The following TESK2 variants were observed in gnomAD, a reference collection of about 807,000 sequenced individuals.
The protein encoded by TESK2 is testis associated actin remodelling kinase 2, also known as dual specificity testis-specific protein kinase 2.
TESK2 carries 39 observed loss-of-function variants against 57.1 expected under a neutral mutation model. The observed-to-expected ratio is 0.68, with a 90% confidence interval of 0.53 to 0.89. The LOEUF is 0.89. TESK2 is among the 40% of genes least tolerant of loss of function. TESK2 has a pLI of 0.00. For synonymous variants in TESK2, 249 were observed against 267.9 expected (o/e 0.93, Z 0.69); for missense variants, 646 against 732.1 (o/e 0.88, Z 1.36).
chr1:45,397,626 G>A (rs1007010055), intron 3 of TESK2, among the ~76,000 whole-genome samples: 2 of 151,576 alleles, frequency 1.3e-5, no homozygotes, highest in Admixed American at 6.6e-5. Flanking sequence ...TTTCCAACCC[G>A]GACCCAGAGC....
chr1:45,367,593 C>A (rs909368226), intron 4 of TESK2, among the ~76,000 whole-genome samples: 2 of 151,946 alleles, frequency 1.3e-5, no homozygotes, highest in Admixed American at 6.6e-5. Context: ...AGGTGATCCA[C>A]CTGCCTCGGC....
intron 2 of TESK2, among the ~76,000 whole-genome samples, chr1:45,453,485 C>G (rs1363349592): frequency 6.6e-6 from 1 of 151,914 alleles, no homozygotes. Context: ...AATTTGGTAT[C>G]CTCAAGCAAA....
chr1:45,396,026 G>A (rs1649341082), intron 3 of TESK2, among the ~76,000 whole-genome samples: 1 of 152,104 alleles, frequency 6.6e-6, no homozygotes, highest in Non-Finnish European at 1.5e-5. Context: ...CTACGCTGGA[G>A]AGCAGTGGCA....
intron 1 of TESK2, among the ~76,000 whole-genome samples, chr1:45,466,081 G>A (rs1422524327): frequency 2.6e-5 from 4 of 152,168 alleles, no homozygotes; most frequent in East Asian, 1.9e-4. Context: ...GGTGCCTTAC[G>A]TCTATAATCC....
At chr1:45,459,713 C>CA (rs924553851) in intron 1 of TESK2, among the ~76,000 whole-genome samples, 4 of 152,114 alleles carry the variant, frequency 2.6e-5, no homozygotes, top group African/African-American at 9.7e-5. Flanking sequence ...CATGATGGTA[C>CA]ACGCCTGTAG....
intron 2 of TESK2, among the ~76,000 whole-genome samples, chr1:45,428,701 G>A (rs138914656): frequency 0.011 from 1,631 of 151,074 alleles, 17 homozygotes; most frequent in African/African-American, 0.032. Context: ...ACAGGGTTTC[G>A]CCATGTTGTC....
Position 45,442,037 on chromosome 1 carries a change from A to T in TESK2, c.222+15527T>A, listed in dbSNP as rs533890763. 5.3e-5 allele frequency among the ~76,000 whole-genome samples: 8 copies of T among 152,224 alleles called. 1 individual carries two copies. The highest frequency in any genetic ancestry group is 5.2e-4 in the Admixed American group (8 of 15,270). On this transcript the variant is annotated intron_variant, in intron 2 of 10. Transcript: ENST00000372086. ...CCGCAACCTCCACCTCCCAGGTTCA[A>T]ATGATTCTCCTGCCCCACCCTCCCG...
At chr1:45,403,371 G>A (rs1570694794) in intron 3 of TESK2, among the ~76,000 whole-genome samples, 1 of 152,154 alleles carries the variant, frequency 6.6e-6, no homozygotes, top group African/African-American at 2.4e-5. Context: ...GGTAAGTGCA[G>A]TTCAAACATG....
chr1:45,431,003 G>A (rs1366730178), intron 2 of TESK2, among the ~76,000 whole-genome samples: 1 of 152,172 alleles, frequency 6.6e-6, no homozygotes. Context: ...TGAAAAGTAA[G>A]CAGATTAAAC....
intron 1 of TESK2, among the ~76,000 whole-genome samples, chr1:45,465,863 A>C (rs1652529816): frequency 6.6e-6 from 1 of 152,194 alleles, no homozygotes; most frequent in Non-Finnish European, 1.5e-5. Flanking sequence ...AGATGAACAA[A>C]TTATAAGTAG....
chr1:45,472,373 C>G (rs1652804382), intron 1 of TESK2, among the ~76,000 whole-genome samples: 1 of 151,488 alleles, frequency 6.6e-6, no homozygotes, highest in Non-Finnish European at 1.5e-5. Context: ...GCCTGGCCAA[C>G]ATGGGGAAAC....
chr1:45,482,858 T>C (rs1233007310), intron 1 of TESK2, among the ~76,000 whole-genome samples: 2 of 151,358 alleles, frequency 1.3e-5, no homozygotes, highest in Non-Finnish European at 1.5e-5. Flanking sequence ...CAGGCCCCTG[T>C]AATCCCAGCT....
chr1:45,443,999 G>A (rs1474409925), intron 2 of TESK2, among the ~76,000 whole-genome samples: 3 of 152,036 alleles, frequency 2.0e-5, no homozygotes, highest in Non-Finnish European at 4.4e-5. Flanking sequence ...GCAACATAGC[G>A]ATACACTATC....
intron 1 of TESK2, among the ~76,000 whole-genome samples, chr1:45,489,227 TC>T (rs1653613815): frequency 6.6e-6 from 1 of 152,012 alleles, no homozygotes; most frequent in African/African-American, 2.4e-5. Context: ...CTTCTTGAAA[TC>T]CTTTCTTTGG....
At chr1:45,352,457 T>C (rs1647256184) in intron 5 of TESK2, among the ~76,000 whole-genome samples, 1 of 152,122 alleles carries the variant, frequency 6.6e-6, no homozygotes, top group African/African-American at 2.4e-5. Context: ...AGAACCACAC[T>C]TGGACACTAG....
Position 45,376,372 on chromosome 1 carries a change from C to T in TESK2, c.393+9540G>A, listed in dbSNP as rs142272438. Among the ~76,000 whole-genome samples the T allele has an allele frequency of 1.8e-3, 267 of 145,792 alleles. 8 individuals are homozygous for T. The East Asian group carries it at 0.04, about 22-fold the overall frequency. On this transcript the variant is annotated intron_variant, in intron 4 of 10. Transcript: ENST00000372086. Reference sequence around the variant, plus strand: ...CTGGGATTACAGGCCCCCGCCACCACGTCTGGCTAATTTTTTTTTTTTTTT... The same window carrying T: ...CTGGGATTACAGGCCCCCGCCACCATGTCTGGCTAATTTTTTTTTTTTTTT...
intron 2 of TESK2, among the ~76,000 whole-genome samples, chr1:45,425,806 T>A (rs907371448): frequency 7.2e-5 from 11 of 152,060 alleles, no homozygotes. Flanking sequence ...AAACTTTCTA[T>A]GGAATCACAA....
chr1:45,466,929 A>C (rs1652577427), intron 1 of TESK2, among the ~76,000 whole-genome samples: 1 of 152,006 alleles, frequency 6.6e-6, no homozygotes, highest in South Asian at 2.1e-4. Flanking sequence ...ATAGTACCTA[A>C]TAAACAATAA....
At chr1:45,362,603 A>C (rs755569401) in intron 4 of TESK2, among the ~76,000 whole-genome samples, 1 of 152,260 alleles carries the variant, frequency 6.6e-6, no homozygotes, top group Non-Finnish European at 1.5e-5. Flanking sequence ...AGAAAATATC[A>C]ACTCTAAGAA....
Sources: allele counts gnomAD v4.1 joint callset (sites outside exome capture counted in the v4.1 genomes callset), GRCh38; gene constraint gnomAD v4.1.1; transcripts MANE v1.5; gene names NCBI Gene and HGNC (gene_info 2026-07-23, HGNC 2026-07-21).